The following EGFL6 variants were observed in gnomAD, a reference collection of about 807,000 sequenced individuals.
EGFL6 encodes the protein EGF like domain multiple 6, also known as epidermal growth factor-like protein 6.
In EGFL6, 42 loss-of-function variants were observed where a neutral mutation model predicts 43.1. The observed-to-expected ratio is 0.98, with a 90% CI of 0.76 to 1.26. EGFL6 has a LOEUF of 1.26. Ranked by LOEUF, EGFL6 falls within the 50% of genes most tolerant of loss-of-function variation. The probability of loss-of-function intolerance (pLI) is 0.00; values close to 1 mark genes in which losing one functional copy is unlikely to be tolerated. For synonymous variants in EGFL6, 164 were observed against 163.2 expected (o/e 1.01, Z -0.04); for missense variants, 429 against 427.8 (o/e 1.00, Z -0.02).
chrX:13,576,898 T>C (rs993948372), intron 1 of EGFL6, among the ~76,000 whole-genome samples: 7 of 112,007 alleles, frequency 6.2e-5, no homozygotes, highest in African/African-American at 2.3e-4. Context: ...GAGAGATCAG[T>C]AGTACTTCTA....
chrX:13,580,797 G>A (rs1167790129), intron 1 of EGFL6, among the ~76,000 whole-genome samples: 1 of 111,998 alleles, frequency 8.9e-6, no homozygotes, highest in Non-Finnish European at 1.9e-5. Flanking sequence ...ACCAGATTAA[G>A]AATAAAATTC....
At chrX:13,608,484 A>G (rs1569207286) in intron 7 of EGFL6, 38 bp downstream of exon 7, 3 of 1,189,998 alleles carry the variant, frequency 2.5e-6, no homozygotes, top group South Asian at 3.7e-5. Flanking sequence ...AGCTATTCCC[A>G]ATGAAGCATT....
intron 11 of EGFL6, among the ~76,000 whole-genome samples, chrX:13,632,014 A>G (rs1218178506): frequency 9.0e-6 from 1 of 111,157 alleles, no homozygotes; most frequent in Non-Finnish European, 1.9e-5. Context: ...TTTCTAAACT[A>G]TAAAGAAGTT....
chrX:13,626,947 T>A, intron 10 of EGFL6, 64 bp from the exon 11 acceptor site: 1 of 1,118,186 alleles, frequency 8.9e-7, no homozygotes, highest in African/African-American at 1.8e-5. Flanking sequence ...GCTTTTTTTA[T>A]ACATTAAAGC....
At chrX:13,591,472 T>C (rs188833011) in intron 2 of EGFL6, among the ~76,000 whole-genome samples, 1 of 111,978 alleles carries the variant, frequency 8.9e-6, no homozygotes, top group Non-Finnish European at 1.9e-5. Context: ...AATGTTCAGG[T>C]CTTAAATTGC....
chrX:13,578,372 G>A (rs1164292014), intron 1 of EGFL6, among the ~76,000 whole-genome samples: 3 of 107,235 alleles, frequency 2.8e-5, no homozygotes, highest in Admixed American at 1.0e-4. Context: ...TCAGTGTGGC[G>A]ATTCCTCAGG....
At chrX:13,580,665 C>T (rs1001152148) in intron 1 of EGFL6, among the ~76,000 whole-genome samples, 1 of 112,030 alleles carries the variant, frequency 8.9e-6, no homozygotes, top group Middle Eastern at 4.6e-3. Context: ...TCACCTGAAC[C>T]ACCACAATAG....
At chrX:13,626,314 T>C (rs2045780288) in intron 10 of EGFL6, among the ~76,000 whole-genome samples, 1 of 111,771 alleles carries the variant, frequency 8.9e-6, no homozygotes, top group Non-Finnish European at 1.9e-5. Flanking sequence ...CTGGCTTCTA[T>C]AGAAATTTTT....
chrX:13,570,917 C>G (rs2045438152), intron 1 of EGFL6, among the ~76,000 whole-genome samples: 1 of 112,051 alleles, frequency 8.9e-6, no homozygotes, highest in Non-Finnish European at 1.9e-5. Context: ...GGTTCTCTAA[C>G]TGTGATGTCT....
At position 13,569,635 on chromosome X, in the gene EGFL6, T is replaced by G. The variant is rs1293682510; in HGVS notation, c.-227T>G. On this transcript the variant is annotated 5_prime_UTR_variant, in exon 1 of 12. Coordinates refer to ENST00000361306, the MANE Select transcript of EGFL6 (RefSeq NM_015507.4). ...GTCCAGCTTCATCCGCAGAGGAGCCTCGGCCAGGCTTGCCAGGGCGCCCCC... is the reference window on the plus strand; with the variant it reads ...GTCCAGCTTCATCCGCAGAGGAGCCGCGGCCAGGCTTGCCAGGGCGCCCCC... 3.6e-6 allele frequency: 1 copy of G among 274,311 alleles called. No individual in the cohort carries two copies. The highest frequency in any genetic ancestry group is 6.5e-6 in the Non-Finnish European group (1 of 154,338). 22.6% of individuals were successfully genotyped at this position (274,311 alleles called of 1,213,427 possible).
At chrX:13,625,885 C>CAAAAAAAAAAAAAAAAAAAAAAAAAAAA (rs755901799) in intron 10 of EGFL6, among the ~76,000 whole-genome samples, 1 of 30,904 alleles carries the variant, frequency 3.2e-5, no homozygotes, top group African/African-American at 1.1e-4. Context: ...GACCCTGCCT[C>CAAAAAAAAAAAAAAAAAAAAAAAAAAAA]AAAAAAAAAA....
chrX:13,601,952 A>T (rs2146695162), intron 4 of EGFL6, among the ~76,000 whole-genome samples: 1 of 112,188 alleles, frequency 8.9e-6, no homozygotes, highest in Admixed American at 9.4e-5. Context: ...GCCAAAAAAG[A>T]TATCTTTCCT....
intron 1 of EGFL6, among the ~76,000 whole-genome samples, chrX:13,573,837 T>C (rs2045456225): frequency 8.9e-6 from 1 of 112,682 alleles, no homozygotes; most frequent in Non-Finnish European, 1.9e-5. Flanking sequence ...ACAGAAAAGC[T>C]GACATTTTTA....
At chrX:13,627,378 C>A in intron 11 of EGFL6, 102 bp downstream of exon 11, 1 of 1,034,622 alleles carries the variant, frequency 9.7e-7, no homozygotes, top group Non-Finnish European at 1.3e-6. Flanking sequence ...ATTAAGGATA[C>A]AACGATAAGA....
At chrX:13,574,165 G>T (rs762130078) in intron 1 of EGFL6, among the ~76,000 whole-genome samples, 10 of 112,313 alleles carry the variant, frequency 8.9e-5, no homozygotes, top group African/African-American at 3.2e-4. Context: ...CCCTTGTGAA[G>T]ACAAGGGAGC....
chrX:13,598,873 T>TTCATA (rs2045616100), intron 3 of EGFL6, among the ~76,000 whole-genome samples: 2 of 105,152 alleles, frequency 1.9e-5, no homozygotes, highest in African/African-American at 6.8e-5. Context: ...CATATATATT[T>TTCATA]CATATATATA....
chrX:13,586,133 C>T (rs6633080), intron 1 of EGFL6, among the ~76,000 whole-genome samples: 28,313 of 110,853 alleles, frequency 0.26, 2,741 homozygotes, highest in East Asian at 0.63. Flanking sequence ...AGAAGATATA[C>T]AAATGGTCTA....
chrX:13,632,292 T>C (rs780337593), intron 11 of EGFL6, among the ~76,000 whole-genome samples: 113 of 105,797 alleles, frequency 1.1e-3, no homozygotes, highest in African/African-American at 3.8e-3. Flanking sequence ...TAGTTTTGTT[T>C]TTTGGTTTTT....
chrX:13,609,267 T>C (rs1299776627), intron 7 of EGFL6, among the ~76,000 whole-genome samples: 2 of 112,062 alleles, frequency 1.8e-5, no homozygotes, highest in African/African-American at 3.2e-5. Flanking sequence ...TGAACAATCA[T>C]GCACCAGCTG....
Sources: allele counts gnomAD v4.1 joint callset (sites outside exome capture counted in the v4.1 genomes callset), GRCh38; gene constraint gnomAD v4.1.1; transcripts MANE v1.5; gene names NCBI Gene and HGNC (gene_info 2026-07-23, HGNC 2026-07-21).